The following SOBP variants were observed in gnomAD, a reference collection of about 807,000 sequenced individuals.
The protein encoded by SOBP is sine oculis binding protein homolog.
In SOBP, 4 loss-of-function variants were observed where a neutral mutation model predicts 53.6. The observed-to-expected ratio is 0.07, with a 90% CI of 0.04 to 0.17. The LOEUF (loss-of-function observed/expected upper bound fraction) is 0.17. Among genes scored for constraint, SOBP ranks in the 10% least tolerant of loss-of-function variants. The probability of loss-of-function intolerance (pLI) is 1.00; values close to 1 mark genes in which losing one functional copy is unlikely to be tolerated. For missense variants in SOBP, 1,088 were observed against 1,204.7 expected, an observed-to-expected ratio of 0.90 and a Z score of 1.43; for synonymous variants, 584 against 522.6, an observed-to-expected ratio of 1.12 and a Z score of -1.60.
chr6:107,599,608 G>A (rs192948378), intron 5 of SOBP, among the ~76,000 whole-genome samples: 255 of 88,140 alleles, frequency 2.9e-3, no homozygotes, highest in Non-Finnish European at 3.9e-3. Flanking sequence ...GATGATTTTT[G>A]AGAAAAAAAA....
intron 6 of SOBP, among the ~76,000 whole-genome samples, chr6:107,648,634 C>A (rs1395237718): frequency 2.0e-5 from 3 of 151,860 alleles, no homozygotes; most frequent in Non-Finnish European, 4.4e-5. Context: ...ACATTGTGAC[C>A]CTGCCACCCT....
At chr6:107,491,739 C>T (rs1782586437) in intron 1 of SOBP, among the ~76,000 whole-genome samples, 1 of 152,134 alleles carries the variant, frequency 6.6e-6, no homozygotes, top group South Asian at 2.1e-4. Flanking sequence ...TCTTGGTGTT[C>T]CCCATCTTCT....
chr6:107,516,492 A>G (rs1783325688), intron 3 of SOBP, among the ~76,000 whole-genome samples: 1 of 151,478 alleles, frequency 6.6e-6, no homozygotes, highest in Non-Finnish European at 1.5e-5. Context: ...AAAAAAAAAG[A>G]AAAGAAAAGA....
intron 5 of SOBP, among the ~76,000 whole-genome samples, chr6:107,599,610 G>GAA (rs10685353): frequency 0.02 from 2,774 of 138,600 alleles, 77 homozygotes; most frequent in East Asian, 0.11. Flanking sequence ...TGATTTTTGA[G>GAA]AAAAAAAAAA....
intron 1 of SOBP, among the ~76,000 whole-genome samples, chr6:107,494,180 GA>G (rs1583136550): frequency 6.6e-6 from 1 of 152,122 alleles, no homozygotes; most frequent in Non-Finnish European, 1.5e-5. Flanking sequence ...GTGGCTAGTA[GA>G]ATTTTAAAAA....
intron 1 of SOBP, among the ~76,000 whole-genome samples, chr6:107,502,688 A>G (rs1306445964): frequency 6.6e-6 from 1 of 152,206 alleles, no homozygotes; most frequent in African/African-American, 2.4e-5. Context: ...AGACAATCTT[A>G]GTGACCTTAG....
chr6:107,533,208 G>T (rs1583181515), intron 3 of SOBP, among the ~76,000 whole-genome samples: 1 of 130,308 alleles, frequency 7.7e-6, no homozygotes, highest in African/African-American at 2.9e-5. Context: ...AGCCCTAGGA[G>T]CCCTTGTGGC....
intron 6 of SOBP, among the ~76,000 whole-genome samples, chr6:107,639,426 CA>C (rs753378350): frequency 5.3e-5 from 8 of 152,056 alleles, no homozygotes; most frequent in African/African-American, 1.9e-4. Flanking sequence ...TTTCAGTGGA[CA>C]ACTATTTTCC....
chr6:107,591,311 T>G (rs930133649), intron 5 of SOBP, among the ~76,000 whole-genome samples: 2 of 152,194 alleles, frequency 1.3e-5, no homozygotes, highest in Non-Finnish European at 2.9e-5. Context: ...AAGTGCTCAG[T>G]ATATATTAGC....
At chr6:107,498,074 C>T (rs550080389) in intron 1 of SOBP, among the ~76,000 whole-genome samples, 19 of 152,120 alleles carry the variant, frequency 1.2e-4, no homozygotes, top group South Asian at 2.1e-4. Flanking sequence ...TCTGTAACTG[C>T]GTTTAAATAA....
rs775198111 is a variant in SOBP, at chr6:107,644,258, C to T, written c.*3+8789C>T. On this transcript the variant is annotated intron_variant, in intron 6 of 6. Transcript: ENST00000317357. ...GACAGAGGTTGCAGTGAGCCGAATT[C>T]GTGCCACTGCACTCCAGCCTGGGCG... is the stretch of plus-strand genomic sequence containing the variant. Among the ~76,000 whole-genome samples the T allele has an allele frequency of 1.4e-4, 21 of 152,326 alleles. 1 individual carries two copies. Among genetic ancestry groups the T allele is most frequent in the Non-Finnish European group, 2.5e-4 (17 of 68,038 alleles).
At chr6:107,497,593 A>G (rs1782734086) in intron 1 of SOBP, among the ~76,000 whole-genome samples, 2 of 152,130 alleles carry the variant, frequency 1.3e-5, no homozygotes, top group Admixed American at 1.3e-4. Flanking sequence ...CCCTTTCTCT[A>G]TATATGATAT....
chr6:107,633,510 G>A lies in SOBP; in HGVS notation c.670-4G>A, dbSNP rs753588256. 3 of 1,614,236 alleles carry A rather than the reference G, an allele frequency of 1.9e-6. No individual in the cohort carries two copies. Among genetic ancestry groups the A allele is most frequent in the East Asian group, 4.5e-5 (2 of 44,886 alleles). On this transcript the variant is annotated splice_polypyrimidine_tract_variant and splice_region_variant and intron_variant, in intron 5 of 6. Transcript: ENST00000317357. ...TGTTGTGGTTTTTTATTACTGTGTT[G>A]TAGGTATGTGACTGGTGTAAGCACA... is the stretch of plus-strand genomic sequence containing the variant.
intron 4 of SOBP, among the ~76,000 whole-genome samples, chr6:107,581,707 C>T (rs1304410022): frequency 6.6e-6 from 1 of 152,188 alleles, no homozygotes; most frequent in East Asian, 1.9e-4. Flanking sequence ...AATGAAATTC[C>T]ATGCGTTTTC....
At chr6:107,526,893 C>G (rs1187879714) in intron 3 of SOBP, among the ~76,000 whole-genome samples, 1 of 152,078 alleles carries the variant, frequency 6.6e-6, no homozygotes, top group African/African-American at 2.4e-5. Context: ...TTAAGTACTA[C>G]TCTGTTTAGA....
At chr6:107,616,084 T>TGG (rs576223347) in intron 5 of SOBP, among the ~76,000 whole-genome samples, 7,976 of 62,238 alleles carry the variant, frequency 0.13, 545 homozygotes, top group Admixed American at 0.28. Flanking sequence ...GGAAGGGGGG[T>TGG]GGGGGGGGGG....
intron 6 of SOBP, among the ~76,000 whole-genome samples, chr6:107,647,443 A>C (rs1176456951): frequency 6.6e-6 from 1 of 152,226 alleles, no homozygotes; most frequent in Non-Finnish European, 1.5e-5. Flanking sequence ...ATCAGCTCCA[A>C]TGTAAATAAC....
chr6:107,549,148 T>TA (rs1784391646), intron 4 of SOBP, among the ~76,000 whole-genome samples: 2 of 151,882 alleles, frequency 1.3e-5, no homozygotes, highest in Admixed American at 1.3e-4. Flanking sequence ...GTGCCTGTAG[T>TA]CCCAGCTACT....
chr6:107,619,286 T>C (rs1322454468), intron 5 of SOBP, among the ~76,000 whole-genome samples: 2 of 152,194 alleles, frequency 1.3e-5, no homozygotes, highest in African/African-American at 2.4e-5. Flanking sequence ...GTGATTAAGG[T>C]AGCATTTTTC....
Sources: gnomAD v4.1 joint callset for allele counts (sites outside exome capture counted in the v4.1 genomes callset) on GRCh38, gnomAD v4.1.1 for gene constraint, MANE v1.5 for transcripts, NCBI Gene and HGNC (gene_info 2026-07-23, HGNC 2026-07-21) for gene names.